Variants in ABI3BP observed in about 807,000 individuals in gnomAD.
ABI3BP encodes target of Nesh-SH3.
ABI3BP carries 216 observed loss-of-function variants against 268.6 expected under a neutral mutation model. The ratio of observed to expected loss-of-function variants is 0.80; its 90% CI spans 0.72 to 0.90. The LOEUF is 0.90. ABI3BP is among the 40% of genes least tolerant of loss of function. The probability of loss-of-function intolerance (pLI) is 0.00; values close to 1 mark genes in which losing one functional copy is unlikely to be tolerated. For synonymous variants in ABI3BP, 730 were observed against 730.0 expected, an observed-to-expected ratio of 1.00 and a Z score of 0.00; for missense variants, 2,090 against 2,182.4, an observed-to-expected ratio of 0.96 and a Z score of 0.84.
chr3:100,901,003 C>T (rs2050044852), intron 3 of ABI3BP, among the ~76,000 whole-genome samples: 1 of 152,168 alleles, frequency 6.6e-6, no homozygotes, highest in Non-Finnish European at 1.5e-5. Context: ...GAGTATTCAT[C>T]TGAAAACAGA....
intron 1 of ABI3BP, among the ~76,000 whole-genome samples, chr3:100,946,769 C>T: frequency 7.7e-6 from 1 of 129,104 alleles, no homozygotes; most frequent in Non-Finnish European, 1.6e-5. Context: ...GCCTGGGCAA[C>T]AAGAGTGAAA....
Position 100,921,622 on chromosome 3 carries a change from G to A in ABI3BP, c.259+4680C>T, listed in dbSNP as rs572091725. ...CAATTAATATTTATTAATAGCCACT[G>A]GGGAAAATACTGTTTTTCCTACTGC... On this transcript the variant is annotated intron_variant, in intron 2 of 67. Coordinates refer to ENST00000471714, the MANE Select transcript of ABI3BP (RefSeq NM_001375547.2). Among the ~76,000 whole-genome samples, 334 of 152,034 alleles carry A rather than the reference G, an allele frequency of 2.2e-3. 1 individual carries two copies. Among genetic ancestry groups the A allele is most frequent in the African/African-American group, 7.5e-3 (311 of 41,452 alleles).
At chr3:100,773,014 G>T (rs2096594654) in intron 61 of ABI3BP, among the ~76,000 whole-genome samples, 1 of 149,212 alleles carries the variant, frequency 6.7e-6, no homozygotes, top group African/African-American at 2.5e-5. Flanking sequence ...GGAAGCGGAG[G>T]TTGCAGTGAG....
At chr3:100,988,719 G>T (rs992933542) in intron 1 of ABI3BP, among the ~76,000 whole-genome samples, 1 of 152,094 alleles carries the variant, frequency 6.6e-6, no homozygotes, top group Admixed American at 6.5e-5. Context: ...TCCACAAGCT[G>T]GTCAGCTCCC....
At chr3:100,878,324 A>G (rs2099185313) in intron 6 of ABI3BP, among the ~76,000 whole-genome samples, 1 of 152,238 alleles carries the variant, frequency 6.6e-6, no homozygotes, top group Non-Finnish European at 1.5e-5. Flanking sequence ...CTGTTTCCTT[A>G]AAACAGTATT....
chr3:100,849,966 A>AT, intron 17 of ABI3BP, 79 bp downstream of exon 17: 1 of 1,281,914 alleles, frequency 7.8e-7, no homozygotes. Flanking sequence ...GAAAAACAAA[A>AT]TTCTGAAATG....
At chr3:100,869,182 A>T (rs1269080572) in intron 9 of ABI3BP, among the ~76,000 whole-genome samples, 1 of 152,040 alleles carries the variant, frequency 6.6e-6, no homozygotes, top group African/African-American at 2.4e-5. Context: ...TATTCAAAAC[A>T]TGTTCTTAGC....
chr3:100,868,964 C>T (rs1425351648), intron 9 of ABI3BP, among the ~76,000 whole-genome samples: 1 of 151,858 alleles, frequency 6.6e-6, no homozygotes, highest in Non-Finnish European at 1.5e-5. Context: ...TTCAACATGC[C>T]CCACAGGAAG....
At chr3:100,891,374 T>C (rs2044566374) in intron 4 of ABI3BP, among the ~76,000 whole-genome samples, 1 of 152,162 alleles carries the variant, frequency 6.6e-6, no homozygotes, top group South Asian at 2.1e-4. Flanking sequence ...GTAAATAATA[T>C]CAAAGCAATG....
At chr3:100,976,300 T>G (rs1199888426) in intron 1 of ABI3BP, among the ~76,000 whole-genome samples, 1 of 152,188 alleles carries the variant, frequency 6.6e-6, no homozygotes, top group Non-Finnish European at 1.5e-5. Context: ...AAATATTCCC[T>G]ACATAAAGCT....
chr3:100,876,650 C>T, intron 6 of ABI3BP, 90 bp from the exon 7 acceptor site: 1 of 1,198,384 alleles, frequency 8.3e-7, no homozygotes, highest in Admixed American at 1.8e-5. Flanking sequence ...GTAGCCCTTT[C>T]TTGTCTTCAA....
intron 32 of ABI3BP, 84 bp downstream of exon 32, chr3:100,830,494 G>A (rs1430015701): frequency 1.5e-5 from 17 of 1,146,556 alleles, no homozygotes; most frequent in Middle Eastern, 2.0e-4. Flanking sequence ...CTTGTGAAGC[G>A]GGAGAAGCTG....
At chr3:100,836,653 CAG>C (rs1410008291) in intron 27 of ABI3BP, among the ~76,000 whole-genome samples, 2 of 152,148 alleles carry the variant, frequency 1.3e-5, no homozygotes, top group African/African-American at 4.8e-5. Context: ...AATTTAGCAA[CAG>C]AAAGATCAAT....
intron 27 of ABI3BP, 41 bp downstream of exon 27, chr3:100,837,083 C>T: frequency 4.7e-6 from 7 of 1,495,124 alleles, no homozygotes; most frequent in Non-Finnish European, 5.4e-6. Context: ...GAGGCGCAAG[C>T]TCAGAGAAAC....
chr3:100,911,631 G>A (rs1018603070), intron 2 of ABI3BP: 2 of 705,762 alleles, frequency 2.8e-6, no homozygotes, highest in Non-Finnish European at 5.2e-6. Flanking sequence ...AAAACCAGTG[G>A]ATGTAGAGGA....
At chr3:100,766,082 A>G (rs902704834) in intron 62 of ABI3BP, 133 bp from the exon 63 acceptor site, 1 of 631,216 alleles carries the variant, frequency 1.6e-6, no homozygotes. Context: ...AGACATATTG[A>G]TCTTACACAT....
At chr3:100,925,916 A>T (rs1038886343) in intron 2 of ABI3BP, among the ~76,000 whole-genome samples, 12 of 151,972 alleles carry the variant, frequency 7.9e-5, no homozygotes, top group Admixed American at 4.6e-4. Context: ...ACTTTTTTTT[A>T]AAATGTAGCT....
chr3:100,762,415 T>G (rs1454331446), intron 63 of ABI3BP, among the ~76,000 whole-genome samples: 1 of 152,216 alleles, frequency 6.6e-6, no homozygotes, highest in East Asian at 1.9e-4. Context: ...GTTTTTCCTT[T>G]CCTTGTTGGC....
chr3:100,865,014 G>T, intron 10 of ABI3BP, 107 bp from the exon 11 acceptor site: 1 of 836,554 alleles, frequency 1.2e-6, no homozygotes, highest in Non-Finnish European at 1.9e-6. Flanking sequence ...TATTTGTATA[G>T]CCCATTTCTT....
Sources: allele counts gnomAD v4.1 joint callset (sites outside exome capture counted in the v4.1 genomes callset), GRCh38; gene constraint gnomAD v4.1.1; transcripts MANE v1.5; gene names NCBI Gene and HGNC (gene_info 2026-07-23, HGNC 2026-07-21).